CFAP206: variants seen among roughly 807,000 people sequenced by gnomAD.
The protein encoded by CFAP206 is cilia and flagella associated protein 206, also known as cilia- and flagella-associated protein 206.
A neutral mutation model predicts 65.4 loss-of-function variants in CFAP206; 53 were observed. That is an observed-to-expected ratio of 0.81 (90% CI 0.65 to 1.02). The LOEUF (loss-of-function observed/expected upper bound fraction) is 1.02. Ranked by LOEUF, CFAP206 falls within the 50% of genes least tolerant of loss-of-function variation. The pLI, the probability that CFAP206 is intolerant of heterozygous loss-of-function variation, is 0.00. For missense variants in CFAP206, 663 were observed against 753.2 expected (o/e 0.88, Z 1.40); for synonymous variants, 250 against 254.4 (o/e 0.98, Z 0.17).
Position 87,418,277 on chromosome 6 carries a change from G to T in CFAP206, c.701G>T (p.Arg234Leu). The T allele has an allele frequency of 1.2e-6, 2 of 1,614,090 alleles. No homozygotes were observed. The highest frequency in any genetic ancestry group is 1.7e-6 in the Non-Finnish European group (2 of 1,180,024). ...ATTGATTACCAGCTTGAGACTGCCC[G>T]GAGCCAGGTATACCGCTACACAGCC... ...QHIDYQLETA[R>L]SQVYRYTAIL... is the part of the protein sequence containing the mutation. Residue 234 changes from arginine (R) to leucine (L), a missense_variant, in exon 7 of 13, where the codon CGG (arginine) becomes CTG (leucine). Transcript: ENST00000369562.
In CFAP206 at chr6:87,418,316, CAGCCA is replaced by C. The variant is rs769930425; in HGVS notation, c.742_746del (p.Ala248ArgfsTer7). Reference sequence around the variant, plus strand: ...CGCTACACAGCCATCCTTGAGAAGGCAGCCAACGACCCACTCATGAGGGCTGAACT... The same window carrying C: ...CGCTACACAGCCATCCTTGAGAAGGCACGACCCACTCATGAGGGCTGAACT... On this transcript the variant is annotated frameshift_variant, in exon 7 of 13. Coordinates refer to ENST00000369562, the MANE Select transcript of CFAP206 (RefSeq NM_001031743.3). LOFTEE classifies it high-confidence loss of function. 1 of 1,614,130 alleles carries C rather than the reference CAGCCA, an allele frequency of 6.2e-7. No individual in the cohort carries two copies. The highest frequency in any genetic ancestry group is 8.5e-7 in the Non-Finnish European group (1 of 1,180,014).
intron 8 of CFAP206, among the ~76,000 whole-genome samples, chr6:87,427,915 T>A (rs1562246561): frequency 6.6e-6 from 1 of 151,672 alleles, no homozygotes; most frequent in Non-Finnish European, 1.5e-5. Context: ...TATAAATAGG[T>A]GTTAACTTGG....
intron 3 of CFAP206, among the ~76,000 whole-genome samples, chr6:87,413,594 C>T (rs887890651): frequency 5.9e-5 from 9 of 151,932 alleles, no homozygotes; most frequent in African/African-American, 2.2e-4. Flanking sequence ...CAAAATGACA[C>T]TTGTACCCCC....
chr6:87,428,664 G>T lies in CFAP206; in HGVS notation c.999G>T (p.Leu333Phe). 1 of 1,614,044 alleles carries T rather than the reference G, an allele frequency of 6.2e-7. No homozygotes were observed. Among genetic ancestry groups the T allele is most frequent in the East Asian group, 2.2e-5 (1 of 44,870 alleles). The change falls in exon 9 of 13, where the codon TTG becomes TTT. Residue 333 changes from leucine (L) to phenylalanine (F), a missense_variant. Coordinates refer to ENST00000369562, the MANE Select transcript of CFAP206 (RefSeq NM_001031743.3). ...FIALSTLWTS[L>F]QDETIVVGVL... ...CACTTTCTACTCTGTGGACCAGCTT[G>T]CAAGACGAAACTATTGTGGTTGGTG...
At chr6:87,445,596 C>A (rs1562250450) in intron 11 of CFAP206, among the ~76,000 whole-genome samples, 1 of 152,240 alleles carries the variant, frequency 6.6e-6, no homozygotes, top group African/African-American at 2.4e-5. Context: ...TTTCTTTATC[C>A]AGTTAACCAT....
intron 11 of CFAP206, among the ~76,000 whole-genome samples, chr6:87,448,701 T>C (rs1450280639): frequency 6.6e-6 from 1 of 152,152 alleles, no homozygotes; most frequent in Non-Finnish European, 1.5e-5. Flanking sequence ...TCCCTACTTA[T>C]ATGGGCATGA....
intron 11 of CFAP206, among the ~76,000 whole-genome samples, chr6:87,440,619 A>C (rs1768346694): frequency 1.3e-5 from 2 of 152,156 alleles, no homozygotes; most frequent in Non-Finnish European, 2.9e-5. Flanking sequence ...TTAAGACTCA[A>C]CTCATAGATG....
chr6:87,436,277 G>A (rs1302539513), intron 11 of CFAP206, among the ~76,000 whole-genome samples: 1 of 151,704 alleles, frequency 6.6e-6, no homozygotes, highest in East Asian at 1.9e-4. Flanking sequence ...GTAGAGATAC[G>A]GTTTCACCAT....
chr6:87,442,508 A>G (rs925322706), intron 11 of CFAP206, among the ~76,000 whole-genome samples: 2 of 152,292 alleles, frequency 1.3e-5, no homozygotes, highest in African/African-American at 2.4e-5. Flanking sequence ...TACATTGACA[A>G]GCAACTCTAG....
At chr6:87,414,189 T>G (rs1767786339) in intron 4 of CFAP206, among the ~76,000 whole-genome samples, 1 of 152,228 alleles carries the variant, frequency 6.6e-6, no homozygotes, top group Admixed American at 6.5e-5. Context: ...AGTTTTTAAT[T>G]TATAGATTTT....
intron 11 of CFAP206, among the ~76,000 whole-genome samples, chr6:87,455,083 CA>C (rs1280547353): frequency 6.6e-6 from 1 of 151,694 alleles, no homozygotes; most frequent in African/African-American, 2.4e-5. Flanking sequence ...CCACCATGGT[CA>C]GCTAATTTTT....
Position 87,426,524 on chromosome 6 carries a change from A to G in CFAP206, c.841-2A>G. On this transcript the variant is annotated splice_acceptor_variant, in intron 7 of 12. Transcript: ENST00000369562. LOFTEE classifies it high-confidence loss of function. ...TTAATGCAAATTATGTTGTTTTCAC[A>G]GTCAGATATAATTACTGGTGCTCAA... The G allele has an allele frequency of 6.4e-7, 1 of 1,563,470 alleles. No individual in the cohort carries two copies.
At chr6:87,439,325 T>A (rs1768327836) in intron 11 of CFAP206, among the ~76,000 whole-genome samples, 1 of 152,178 alleles carries the variant, frequency 6.6e-6, no homozygotes, top group African/African-American at 2.4e-5. Flanking sequence ...GTAGTTGAGT[T>A]TTTGCCATTC....
Position 87,413,802 on chromosome 6 carries a change from T to G in CFAP206, c.193-8T>G. On this transcript the variant is annotated splice_region_variant and splice_polypyrimidine_tract_variant and intron_variant, in intron 3 of 12. Coordinates refer to ENST00000369562, the MANE Select transcript of CFAP206 (RefSeq NM_001031743.3). ...AACTAGAAGTATTCATGGGACATTC[T>G]TTTCTAGCTTTGTATGACTCGGCTA... 2 of 1,518,746 alleles carry G rather than the reference T, an allele frequency of 1.3e-6. No homozygotes were observed. Among genetic ancestry groups the G allele is most frequent in the Non-Finnish European group, 1.8e-6 (2 of 1,120,184 alleles). The allele number at this position is 1,518,746 out of a possible 1,614,324, so 94.1% of individuals were successfully genotyped here.
chr6:87,462,692 G>A (rs1768767184), intron 12 of CFAP206, among the ~76,000 whole-genome samples: 1 of 152,162 alleles, frequency 6.6e-6, no homozygotes, highest in Middle Eastern at 3.2e-3. Context: ...AGAGGTGACA[G>A]CATAGGTATG....
intron 1 of CFAP206, chr6:87,408,754 G>A (rs1197739340): frequency 6.6e-6 from 1 of 152,278 alleles, no homozygotes; most frequent in Non-Finnish European, 1.5e-5. Flanking sequence ...CACACCTCTG[G>A]AAAGAAGTGA....
intron 3 of CFAP206, among the ~76,000 whole-genome samples, chr6:87,413,333 A>G (rs1767769875): frequency 6.6e-6 from 1 of 152,220 alleles, no homozygotes; most frequent in South Asian, 2.1e-4. Flanking sequence ...GGCAACATGG[A>G]TGGAACTGGA....
In CFAP206 at chr6:87,428,844, A is replaced by C; in HGVS notation, c.1159+20A>C. On this transcript the variant is annotated intron_variant, in intron 9 of 12. Coordinates refer to ENST00000369562, the MANE Select transcript of CFAP206 (RefSeq NM_001031743.3). The stretch of plus-strand genomic sequence containing the variant: ...ACATGGGTAATGAAAATCATCCATT[A>C]TTTCCTCTTCTTTTTAAAATTACCT... 29 of 1,599,810 alleles carry C rather than the reference A, an allele frequency of 1.8e-5. No individual in the cohort carries two copies. The highest frequency in any genetic ancestry group is 2.5e-5 in the Non-Finnish European group (29 of 1,167,002).
At chr6:87,452,147 T>C (rs1253408206) in intron 11 of CFAP206, among the ~76,000 whole-genome samples, 1 of 152,078 alleles carries the variant, frequency 6.6e-6, no homozygotes, top group Non-Finnish European at 1.5e-5. Context: ...TGGCAGAAAG[T>C]AAGGGAGGAG....
Sources: allele counts gnomAD v4.1 joint callset (sites outside exome capture counted in the v4.1 genomes callset), GRCh38; gene constraint gnomAD v4.1.1; transcripts MANE v1.5; gene names NCBI Gene and HGNC (gene_info 2026-07-23, HGNC 2026-07-21).